Variants in MYRIP observed in about 807,000 individuals in gnomAD.
MYRIP encodes rab effector MyRIP.
MYRIP carries 49 observed loss-of-function variants against 98.0 expected under a neutral mutation model. The observed-to-expected ratio is 0.50, with a 90% confidence interval of 0.40 to 0.63. MYRIP has a LOEUF of 0.63. MYRIP is among the 30% of genes least tolerant of loss of function. The pLI is 0.00. For missense variants in MYRIP, 1,004 were observed against 1,058.2 expected, an observed-to-expected ratio of 0.95 and a Z score of 0.71; for synonymous variants, 404 against 409.5, an observed-to-expected ratio of 0.99 and a Z score of 0.16.
In MYRIP at chr3:40,210,100, G is replaced by C; in HGVS notation, c.1905+7G>C. ...CCAGGAAGAGCTGAAGAAGGTAAGGGCTGTGAAGCCACCTGCAGACAGCTC... is the reference window on the plus strand; with the variant it reads ...CCAGGAAGAGCTGAAGAAGGTAAGGCCTGTGAAGCCACCTGCAGACAGCTC... On this transcript the variant is annotated splice_region_variant and intron_variant, in intron 11 of 16. Transcript: ENST00000302541. 3 of 1,612,974 alleles carry C rather than the reference G, an allele frequency of 1.9e-6. No individual in the cohort carries two copies. Among genetic ancestry groups the C allele is most frequent in the Non-Finnish European group, 2.5e-6 (3 of 1,179,580 alleles).
At chr3:40,159,844 A>ATCAGCTCCT (rs1950341204) in intron 4 of MYRIP, among the ~76,000 whole-genome samples, 1 of 152,176 alleles carries the variant, frequency 6.6e-6, no homozygotes, top group Non-Finnish European at 1.5e-5. Context: ...TTTCAGCTCC[A>ATCAGCTCCT]CCAGCTCCTT....
At chr3:40,180,350 A>G (rs182215877) in intron 8 of MYRIP, among the ~76,000 whole-genome samples, 1 of 152,372 alleles carries the variant, frequency 6.6e-6, no homozygotes, top group East Asian at 1.9e-4. Context: ...ATTGATTTCC[A>G]ATTCTGTACT....
Position 40,258,271 on chromosome 3 carries a change from G to A in MYRIP, c.*105G>A, listed in dbSNP as rs1953664239. The A allele has an allele frequency of 3.0e-6, 4 of 1,331,834 alleles. No homozygotes were observed. The highest frequency in any genetic ancestry group is 3.4e-5 in the Admixed American group (2 of 59,084). 82.5% of individuals were successfully genotyped at this position (1,331,834 alleles called of 1,614,324 possible). On this transcript the variant is annotated 3_prime_UTR_variant, in exon 17 of 17. Transcript: ENST00000302541. The stretch of plus-strand genomic sequence containing the variant: ...TGTATGTATTTCCACCTGAGGAGAA[G>A]GCCTGGGGAGGCCACAGTGCACCAT...
chr3:40,078,568 A>T (rs1453655100), intron 3 of MYRIP, among the ~76,000 whole-genome samples: 1 of 152,194 alleles, frequency 6.6e-6, no homozygotes, highest in Non-Finnish European at 1.5e-5. Flanking sequence ...TTTAAAATGC[A>T]GTTTAGAAAT....
Position 40,121,615 on chromosome 3 carries a change from T to C in MYRIP, c.333-29433T>C, listed in dbSNP as rs529848029. Reference sequence around the variant, plus strand: ...CCACTGGACACTACAGCCCTTTGCATTGGCAAAGCTACCTTCCACCAGGTG... The same window carrying C: ...CCACTGGACACTACAGCCCTTTGCACTGGCAAAGCTACCTTCCACCAGGTG... On this transcript the variant is annotated intron_variant, in intron 3 of 16. Coordinates refer to ENST00000302541, the MANE Select transcript of MYRIP (RefSeq NM_015460.4). 2.0e-5 allele frequency among the ~76,000 whole-genome samples: 3 copies of C among 152,228 alleles called. No homozygotes were observed. The South Asian group carries it at 6.2e-4, about 32-fold the overall frequency.
At chr3:40,055,773 A>G (rs1198082558) in intron 3 of MYRIP, among the ~76,000 whole-genome samples, 1 of 152,192 alleles carries the variant, frequency 6.6e-6, no homozygotes, top group Non-Finnish European at 1.5e-5. Flanking sequence ...GTCTTTTACT[A>G]AGGAACATAG....
intron 1 of MYRIP, among the ~76,000 whole-genome samples, chr3:39,890,119 C>G (rs958804715): frequency 1.3e-5 from 2 of 150,750 alleles, no homozygotes; most frequent in African/African-American, 2.4e-5. Flanking sequence ...TGAAAGGGTT[C>G]TCTTCTACTT....
In MYRIP at chr3:39,809,916, CG is replaced by C. The variant is rs1940610018; in HGVS notation, c.-31+1del. On this transcript the variant is annotated splice_donor_variant, in intron 1 of 16. Transcript: ENST00000302541. LOFTEE classifies it low-confidence loss of function (5UTR_SPLICE). ...GACTTGCTTCAGGCTGGCCACCCCC[CG>C]TGAGTACCGTCCGCCTCCCTCTTCT... is the stretch of plus-strand genomic sequence containing the variant. 6.6e-6 allele frequency: 1 copy of C among 152,408 alleles called. No individual in the cohort carries two copies. The allele number at this position is 152,408 out of a possible 1,614,324, so 9.4% of individuals were successfully genotyped here.
At chr3:40,069,272 A>G (rs1948178419) in intron 3 of MYRIP, among the ~76,000 whole-genome samples, 1 of 151,996 alleles carries the variant, frequency 6.6e-6, no homozygotes, top group Non-Finnish European at 1.5e-5. Context: ...CCTACTTTTT[A>G]TCTTTACTGT....
intron 11 of MYRIP, among the ~76,000 whole-genome samples, chr3:40,229,098 G>A (rs1010332167): frequency 3.3e-5 from 5 of 152,202 alleles, no homozygotes; most frequent in African/African-American, 4.8e-5. Context: ...TTGCTAACGA[G>A]CAGATATAGC....
rs532626946 is a variant in MYRIP, at chr3:40,002,043, G to A, written c.111-42007G>A. Among the ~76,000 whole-genome samples the A allele has an allele frequency of 1.1e-4, 17 of 152,270 alleles. No homozygotes were observed. The South Asian group carries it at 1.5e-3, about 13-fold the overall frequency. ...AGCCTTGCACTCTAGAAGTATTGCAGTTTGTGGCTGGCATGTCAGTTCCTC... is the reference window on the plus strand; with the variant it reads ...AGCCTTGCACTCTAGAAGTATTGCAATTTGTGGCTGGCATGTCAGTTCCTC... On this transcript the variant is annotated intron_variant, in intron 2 of 16. Coordinates refer to ENST00000302541, the MANE Select transcript of MYRIP (RefSeq NM_015460.4).
At chr3:39,893,827 C>T (rs1432337836) in intron 1 of MYRIP, among the ~76,000 whole-genome samples, 1 of 152,032 alleles carries the variant, frequency 6.6e-6, no homozygotes, top group Non-Finnish European at 1.5e-5. Context: ...GCTGTATCCA[C>T]TTCATAGCAG....
chr3:39,910,018 G>A lies in MYRIP; in HGVS notation c.110+9092G>A, dbSNP rs151121770. 6.1e-3 allele frequency among the ~76,000 whole-genome samples: 924 copies of A among 152,064 alleles called. 3 individuals are homozygous for A. The highest frequency in any genetic ancestry group is 0.02 in the African/African-American group (832 of 41,436). ...CGATTCTCCTGCCTTAGCCTCCTGA[G>A]TAACTGGGATTACAGGTGTGTGCCA... On this transcript the variant is annotated intron_variant, in intron 2 of 16. Coordinates refer to ENST00000302541, the MANE Select transcript of MYRIP (RefSeq NM_015460.4).
intron 8 of MYRIP, among the ~76,000 whole-genome samples, chr3:40,181,107 CT>C (rs980854037): frequency 1.6e-4 from 24 of 149,628 alleles, no homozygotes; most frequent in Middle Eastern, 3.4e-3. Flanking sequence ...TCTCTCATAC[CT>C]TTTTTTTTTA....
At chr3:39,894,479 G>A (rs1399144227) in intron 1 of MYRIP, among the ~76,000 whole-genome samples, 1 of 152,144 alleles carries the variant, frequency 6.6e-6, no homozygotes, top group Non-Finnish European at 1.5e-5. Context: ...GTGTTCCCGT[G>A]GGTGAATATA....
In MYRIP at chr3:39,900,860, CAG is replaced by C; in HGVS notation, c.47_48del (p.Glu16AlafsTer22). On this transcript the variant is annotated frameshift_variant, in exon 2 of 17. Coordinates refer to ENST00000302541, the MANE Select transcript of MYRIP (RefSeq NM_015460.4). LOFTEE classifies it high-confidence loss of function. ...CTGTCTGGTTTGACTGATGATGAAACAGAGCATGTTCTTCAGGTGGTTCAAAG... is the reference window on the plus strand; with the variant it reads ...CTGTCTGGTTTGACTGATGATGAAACAGCATGTTCTTCAGGTGGTTCAAAG... 6.2e-7 allele frequency: 1 copy of C among 1,613,862 alleles called. No individual in the cohort carries two copies.
chr3:40,247,674 C>T (rs372437609), intron 13 of MYRIP, among the ~76,000 whole-genome samples: 11 of 152,310 alleles, frequency 7.2e-5, no homozygotes, highest in African/African-American at 2.4e-4. Flanking sequence ...CAGGCACGCA[C>T]CACCACGTCC....
At chr3:40,064,041 A>C (rs1347570818) in intron 3 of MYRIP, among the ~76,000 whole-genome samples, 1 of 152,158 alleles carries the variant, frequency 6.6e-6, no homozygotes, top group Non-Finnish European at 1.5e-5. Flanking sequence ...GAAGGGGCAG[A>C]CTTGAAAGCC....
chr3:40,182,245 C>T lies in MYRIP; in HGVS notation c.899C>T (p.Thr300Ile), dbSNP rs1359416608. The T allele has an allele frequency of 6.2e-7, 1 of 1,612,842 alleles. No individual in the cohort carries two copies. Among genetic ancestry groups the T allele is most frequent in the Non-Finnish European group, 8.5e-7 (1 of 1,179,532 alleles). The change falls in exon 9 of 17, where the codon ACT (threonine) becomes ATT (isoleucine). Residue 300 changes from threonine to isoleucine, a missense_variant. Physicochemically the swap from Thr to Ile is moderately conservative, Grantham distance 89. Around this residue, in one of 3 missense-constraint regions of MYRIP, gnomAD observed 880 missense variants for 907.7 expected, o/e 0.97. Coordinates refer to ENST00000302541, the MANE Select transcript of MYRIP (RefSeq NM_015460.4). ...AGGTCCCAGTCTGCCTTCTCAATCA[C>T]TGGAGAAGAAGCCCTGAAGACCCCT... The part of the protein sequence containing the change: ...LWRSQSAFSI[T>I]GEEALKTPPV...
Sources: allele counts gnomAD v4.1 joint callset (sites outside exome capture counted in the v4.1 genomes callset), GRCh38; gene constraint gnomAD v4.1.1; regional missense constraint gnomAD v4.1.1; transcripts MANE v1.5; gene names NCBI Gene and HGNC (gene_info 2026-07-23, HGNC 2026-07-21).